Variants in DCC observed in about 807,000 individuals in gnomAD.
DCC encodes DCC netrin 1 receptor, also known as netrin receptor DCC.
Under a neutral mutation model 172.5 loss-of-function variants are expected in DCC, and 58 were observed. The ratio of observed to expected loss-of-function variants is 0.34; its 90% confidence interval spans 0.27 to 0.42. The LOEUF (loss-of-function observed/expected upper bound fraction) is 0.42, where lower values mean the gene tolerates loss of function less well. Among genes scored for constraint, DCC ranks in the 10% least tolerant of loss-of-function variants. DCC has a pLI of 1.00. For synonymous variants in DCC, 709 were observed against 644.5 expected (o/e 1.10, Z -1.52); for missense variants, 1,740 against 1,791.0 (o/e 0.97, Z 0.51).
chr18:53,306,102 A>G (rs1350699443), intron 13 of DCC, among the ~76,000 whole-genome samples: 1 of 152,140 alleles, frequency 6.6e-6, no homozygotes, highest in East Asian at 1.9e-4. Flanking sequence ...TTCAGGGGTG[A>G]GAATGGGTTG....
intron 12 of DCC, among the ~76,000 whole-genome samples, chr18:53,232,681 A>G (rs968922922): frequency 6.6e-6 from 1 of 152,176 alleles, no homozygotes; most frequent in Non-Finnish European, 1.5e-5. Context: ...GGCTAAATCG[A>G]AAATGCTAAT....
intron 7 of DCC, among the ~76,000 whole-genome samples, chr18:53,137,228 C>T (rs1349011155): frequency 6.6e-6 from 1 of 152,218 alleles, no homozygotes; most frequent in Non-Finnish European, 1.5e-5. Flanking sequence ...CCCCAGGCTC[C>T]AATCCAGGTA....
chr18:53,063,632 T>C (rs2042527221), intron 6 of DCC, 173 bp downstream of exon 6: 1 of 584,324 alleles, frequency 1.7e-6, no homozygotes, highest in Non-Finnish European at 3.0e-6. Flanking sequence ...ATATTTGAAC[T>C]GAGAAAGAGT....
chr18:52,475,052 T>A (rs997106406), intron 1 of DCC, among the ~76,000 whole-genome samples: 1 of 152,228 alleles, frequency 6.6e-6, no homozygotes, highest in Non-Finnish European at 1.5e-5. Flanking sequence ...ATTTCAGTCA[T>A]CATGATCTCA....
intron 1 of DCC, among the ~76,000 whole-genome samples, chr18:52,671,649 C>T (rs918698158): frequency 2.0e-5 from 3 of 150,712 alleles, no homozygotes; most frequent in South Asian, 2.1e-4. Context: ...AAACCATTCT[C>T]GTGCCTCAGC....
In DCC at chr18:52,978,316, A is replaced by T. The variant is rs185298336; in HGVS notation, c.985+52946A>T. On this transcript the variant is annotated intron_variant, in intron 5 of 28. Coordinates refer to ENST00000442544, the MANE Select transcript of DCC (RefSeq NM_005215.4). ...CTAGAGCCTTAGTTTAAGGAAAGTA[A>T]AGAAAAAAAATAAAAAATAAAGCAA... Among the ~76,000 whole-genome samples, 343 of 152,266 alleles carry T rather than the reference A, an allele frequency of 2.3e-3. 1 individual carries two copies. Among genetic ancestry groups the T allele is most frequent in the Non-Finnish European group, 4.6e-4 (31 of 68,028 alleles).
chr18:52,760,519 C>T (rs891862733), intron 2 of DCC, among the ~76,000 whole-genome samples: 2 of 152,120 alleles, frequency 1.3e-5, no homozygotes, highest in East Asian at 1.9e-4. Context: ...ATAGTCAGAG[C>T]GTGACCTCCA....
At chr18:53,450,169 G>A (rs1568139418) in intron 22 of DCC, among the ~76,000 whole-genome samples, 2 of 148,796 alleles carry the variant, frequency 1.3e-5, no homozygotes, top group East Asian at 2.0e-4. Context: ...ACATACATAT[G>A]CATACATACA....
chr18:52,807,809 A>G (rs1297205059), intron 2 of DCC, among the ~76,000 whole-genome samples: 3 of 152,250 alleles, frequency 2.0e-5, no homozygotes, highest in Non-Finnish European at 2.9e-5. Flanking sequence ...GTGCAGATTT[A>G]AAGAGTTTAA....
intron 2 of DCC, among the ~76,000 whole-genome samples, chr18:52,804,912 G>T (rs1203213478): frequency 6.6e-6 from 1 of 152,020 alleles, no homozygotes; most frequent in Non-Finnish European, 1.5e-5. Context: ...AATATGCCTG[G>T]TGTTTCTTCT....
In DCC at chr18:53,175,733, G is replaced by A. The variant is rs1441628371; in HGVS notation, c.1419-3229G>A. ...CTCATGGGTAGGAGGAATCAATATC[G>A]TGAAAATGGCCATACTGCCCAAGGT... On this transcript the variant is annotated intron_variant, in intron 8 of 28. Transcript: ENST00000442544. Among the ~76,000 whole-genome samples, 91 of 152,144 alleles carry A rather than the reference G, an allele frequency of 6.0e-4. 1 individual carries two copies. In the Middle Eastern group the frequency reaches 0.01, roughly 17 times the overall value.
At chr18:53,460,277 T>TG (rs2045537626) in intron 24 of DCC, among the ~76,000 whole-genome samples, 1 of 32,376 alleles carries the variant, frequency 3.1e-5, no homozygotes, top group East Asian at 5.0e-4. Flanking sequence ...AGCTCCTGTT[T>TG]TTTTTTTTTT....
At chr18:52,726,289 C>T (rs2036550974) in intron 1 of DCC, among the ~76,000 whole-genome samples, 1 of 152,138 alleles carries the variant, frequency 6.6e-6, no homozygotes, top group Non-Finnish European at 1.5e-5. Context: ...CAATCTTAAC[C>T]ACTATCCTTT....
intron 23 of DCC, among the ~76,000 whole-genome samples, chr18:53,453,239 T>C (rs1468450385): frequency 6.6e-6 from 1 of 152,136 alleles, no homozygotes; most frequent in Non-Finnish European, 1.5e-5. Flanking sequence ...TTTTTGTTAT[T>C]TGTTCCATTG....
intron 9 of DCC, among the ~76,000 whole-genome samples, chr18:53,198,392 T>C (rs1359317904): frequency 2.6e-5 from 4 of 152,016 alleles, no homozygotes; most frequent in Non-Finnish European, 1.5e-5. Flanking sequence ...ACACATCCTG[T>C]CATCTATAAT....
intron 1 of DCC, among the ~76,000 whole-genome samples, chr18:52,471,503 C>A (rs549608563): frequency 6.6e-6 from 1 of 152,104 alleles, no homozygotes; most frequent in Non-Finnish European, 1.5e-5. Flanking sequence ...TACATTCTAT[C>A]GACTTAGGTA....
intron 2 of DCC, among the ~76,000 whole-genome samples, chr18:52,803,120 A>C (rs928525162): frequency 2.0e-5 from 3 of 152,134 alleles, no homozygotes; most frequent in Non-Finnish European, 4.4e-5. Context: ...TTGTAATGTC[A>C]TGACTTGTCT....
intron 9 of DCC, among the ~76,000 whole-genome samples, chr18:53,198,142 A>G (rs1207514263): frequency 6.6e-6 from 1 of 152,178 alleles, no homozygotes; most frequent in African/African-American, 2.4e-5. Flanking sequence ...TGATTTGATG[A>G]TAAAGAATCA....
chr18:53,429,870 G>T (rs186777184), intron 21 of DCC, among the ~76,000 whole-genome samples: 5 of 152,238 alleles, frequency 3.3e-5, no homozygotes, highest in Admixed American at 3.3e-4. Flanking sequence ...CTTAGGAAAA[G>T]GTTAAGAGAG....
Sources: allele counts gnomAD v4.1 joint callset (sites outside exome capture counted in the v4.1 genomes callset), GRCh38; gene constraint gnomAD v4.1.1; transcripts MANE v1.5; gene names NCBI Gene and HGNC (gene_info 2026-07-23, HGNC 2026-07-21).